The following ZNF385B variants were observed in gnomAD, a reference collection of about 807,000 sequenced individuals.
ZNF385B encodes the protein zinc finger protein 533.
A neutral mutation model predicts 39.2 loss-of-function variants in ZNF385B; 23 were observed. The observed-to-expected ratio is 0.59, with a 90% CI of 0.42 to 0.83. The LOEUF is 0.83. Ranked by LOEUF, ZNF385B falls within the 40% of genes least tolerant of loss-of-function variation. The pLI, the probability that ZNF385B is intolerant of heterozygous loss-of-function variation, is 0.00. For missense variants in ZNF385B, 552 were observed against 598.9 expected, an observed-to-expected ratio of 0.92 and a Z score of 0.82; for synonymous variants, 205 against 222.6, an observed-to-expected ratio of 0.92 and a Z score of 0.70.
intron 3 of ZNF385B, among the ~76,000 whole-genome samples, chr2:179,733,076 T>C (rs1006959947): frequency 1.6e-4 from 25 of 152,222 alleles, no homozygotes; most frequent in African/African-American, 5.1e-4. Flanking sequence ...CAATCATGAA[T>C]TCTTGCAGAG....
chr2:179,545,355 AGAATTACTGAAT>A (rs2060166537), intron 3 of ZNF385B, among the ~76,000 whole-genome samples: 1 of 152,244 alleles, frequency 6.6e-6, no homozygotes, highest in Non-Finnish European at 1.5e-5. Flanking sequence ...TTTGCTATTA[AGAATTACTGAAT>A]GGCTAGTGGA....
chr2:179,785,434 C>T (rs1704936336), intron 1 of ZNF385B, among the ~76,000 whole-genome samples: 1 of 152,046 alleles, frequency 6.6e-6, no homozygotes, highest in East Asian at 1.9e-4. Flanking sequence ...CTATGGCTGC[C>T]ATCAATAGTG....
intron 3 of ZNF385B, among the ~76,000 whole-genome samples, chr2:179,712,832 A>G (rs1027928146): frequency 6.6e-6 from 1 of 152,160 alleles, no homozygotes; most frequent in Non-Finnish European, 1.5e-5. Context: ...CTCAACTTAT[A>G]ATGGTTTGGC....
intron 1 of ZNF385B, among the ~76,000 whole-genome samples, chr2:179,810,789 T>G (rs977581738): frequency 2.0e-5 from 3 of 152,106 alleles, no homozygotes; most frequent in Non-Finnish European, 4.4e-5. Context: ...CCTCGGCCTT[T>G]TGGAAATAAC....
chr2:179,837,938 T>C (rs1410098874), intron 1 of ZNF385B, among the ~76,000 whole-genome samples: 1 of 152,226 alleles, frequency 6.6e-6, no homozygotes. Flanking sequence ...TTCAGAGTTG[T>C]TGCATTATAA....
intron 6 of ZNF385B, among the ~76,000 whole-genome samples, chr2:179,474,766 C>T (rs1349080073): frequency 2.0e-5 from 3 of 151,974 alleles, no homozygotes; most frequent in Non-Finnish European, 2.9e-5. Flanking sequence ...TCGCTGTCAT[C>T]TTTTGCAAAA....
rs367548619 is a variant in ZNF385B, at chr2:179,493,722, C to CGTATATACATATATGTATACATATGT, written c.553-10314_553-10289dup. ...ATATATGTATACACATATGCATATA[C>CGTATATACATATATGTATACATATGT]GTATATACATATATGTATACATATG... On this transcript the variant is annotated intron_variant, in intron 5 of 9. Coordinates refer to ENST00000410066, the MANE Select transcript of ZNF385B (RefSeq NM_152520.6). Among the ~76,000 whole-genome samples, 41 of 59,282 alleles carry CGTATATACATATATGTATACATATGT rather than the reference C, an allele frequency of 6.9e-4. 4 individuals carry two copies. The highest frequency in any genetic ancestry group is 1.2e-3 in the Non-Finnish European group (30 of 26,024). The allele number at this position is 59,282 out of a possible 152,430, so 38.9% of individuals were successfully genotyped here. A position where few individuals can be genotyped will look rare whatever the true frequency, so the allele number is the denominator to read the frequency against.
chr2:179,464,335 A>G (rs2105485208), intron 6 of ZNF385B, among the ~76,000 whole-genome samples: 1 of 152,324 alleles, frequency 6.6e-6, no homozygotes, highest in East Asian at 1.9e-4. Context: ...TTTGCTGTGC[A>G]GAAGCTCTTT....
At chr2:179,537,538 G>A (rs1211742372) in intron 4 of ZNF385B, among the ~76,000 whole-genome samples, 1 of 151,878 alleles carries the variant, frequency 6.6e-6, no homozygotes, top group Non-Finnish European at 1.5e-5. Flanking sequence ...TCAGGAGTTC[G>A]AGACCAGTCT....
At chr2:179,705,979 A>G (rs975426165) in intron 3 of ZNF385B, among the ~76,000 whole-genome samples, 1 of 152,132 alleles carries the variant, frequency 6.6e-6, no homozygotes, top group African/African-American at 2.4e-5. Context: ...TCCTCCTTTT[A>G]GTCCCTACCT....
intron 3 of ZNF385B, among the ~76,000 whole-genome samples, chr2:179,685,789 A>C (rs1199477310): frequency 6.6e-6 from 1 of 152,254 alleles, no homozygotes; most frequent in Non-Finnish European, 1.5e-5. Flanking sequence ...GCTAAACATT[A>C]CATGATTTTG....
At chr2:179,505,231 C>G (rs1434731175) in intron 5 of ZNF385B, among the ~76,000 whole-genome samples, 1 of 151,382 alleles carries the variant, frequency 6.6e-6, no homozygotes, top group Non-Finnish European at 1.5e-5. Flanking sequence ...CTTTTGTATA[C>G]TGAAAAGGAG....
chr2:179,689,435 T>C (rs1022233921), intron 3 of ZNF385B, among the ~76,000 whole-genome samples: 1 of 152,110 alleles, frequency 6.6e-6, no homozygotes, highest in Non-Finnish European at 1.5e-5. Flanking sequence ...TAACATCACT[T>C]AAGTGAAGGA....
intron 5 of ZNF385B, among the ~76,000 whole-genome samples, chr2:179,518,311 G>C (rs2058232217): frequency 6.6e-6 from 1 of 152,100 alleles, no homozygotes; most frequent in South Asian, 2.1e-4. Flanking sequence ...TGAATCCATG[G>C]ATATGGACCC....
chr2:179,540,126 A>G (rs1217169597), intron 4 of ZNF385B, among the ~76,000 whole-genome samples: 4 of 152,182 alleles, frequency 2.6e-5, no homozygotes, highest in Non-Finnish European at 4.4e-5. Flanking sequence ...AAGACAGTTT[A>G]TAACTATTGC....
In ZNF385B at chr2:179,683,414, C is replaced by G. The variant is rs149038747; in HGVS notation, c.298+86089G>C. On this transcript the variant is annotated intron_variant, in intron 3 of 9. Transcript: ENST00000410066. The stretch of plus-strand genomic sequence containing the variant: ...AAAAAAAGGAGCTAAGAGTGGCTAT[C>G]TCTGAGTGGTGTGTAAGAAGCACAG... 6.5e-3 allele frequency among the ~76,000 whole-genome samples: 984 copies of G among 151,554 alleles called. 9 individuals are homozygous for G. Among genetic ancestry groups the G allele is most frequent in the African/African-American group, 0.022 (914 of 41,330 alleles).
intron 1 of ZNF385B, among the ~76,000 whole-genome samples, chr2:179,801,905 T>C (rs1321562037): frequency 6.6e-6 from 1 of 152,130 alleles, no homozygotes; most frequent in Non-Finnish European, 1.5e-5. Context: ...AGTAAGAAAT[T>C]GCTATGAAAT....
intron 1 of ZNF385B, among the ~76,000 whole-genome samples, chr2:179,773,242 C>G (rs1013804714): frequency 3.9e-5 from 6 of 152,184 alleles, no homozygotes; most frequent in African/African-American, 1.4e-4. Flanking sequence ...GCAATACATT[C>G]TTTGACTCAA....
chr2:179,827,484 A>C (rs1707742137), intron 1 of ZNF385B, among the ~76,000 whole-genome samples: 1 of 152,232 alleles, frequency 6.6e-6, no homozygotes, highest in Admixed American at 6.5e-5. Context: ...TATTTCTATC[A>C]GTGGGAAATC....
Sources: allele counts gnomAD v4.1 joint callset (sites outside exome capture counted in the v4.1 genomes callset), GRCh38; gene constraint gnomAD v4.1.1; transcripts MANE v1.5; gene names NCBI Gene and HGNC (gene_info 2026-07-23, HGNC 2026-07-21).